The following DSCAML1 variants were observed in gnomAD, a reference collection of about 807,000 sequenced individuals.
DSCAML1 encodes the protein cell adhesion molecule DSCAML1.
In DSCAML1, 38 loss-of-function variants were observed where a neutral mutation model predicts 200.5. The observed-to-expected ratio is 0.19, with a 90% CI of 0.15 to 0.25. The LOEUF is 0.25. Ranked by LOEUF, DSCAML1 falls within the 10% of genes least tolerant of loss-of-function variation. DSCAML1 has a pLI of 1.00. For synonymous variants in DSCAML1, 1,215 were observed against 1,165.0 expected (o/e 1.04, Z -0.87); for missense variants, 2,223 against 2,858.8 (o/e 0.78, Z 5.07).
At chr11:117,515,192 T>G (rs1221665517) in intron 8 of DSCAML1, among the ~76,000 whole-genome samples, 3 of 152,092 alleles carry the variant, frequency 2.0e-5, no homozygotes, top group Non-Finnish European at 4.4e-5. Flanking sequence ...CCACTTATCC[T>G]CCCCAGGCCT....
Position 117,513,578 on chromosome 11 carries a change from T to C in DSCAML1, c.1783+2889A>G, listed in dbSNP as rs201999214. 1.4e-3 allele frequency among the ~76,000 whole-genome samples: 211 copies of C among 151,986 alleles called. 4 individuals are homozygous for C. Among genetic ancestry groups the C allele is most frequent in the East Asian group, 2.9e-3 (15 of 5,152 alleles). On this transcript the variant is annotated intron_variant, in intron 8 of 32. Transcript: ENST00000651296. ...CAATATGGTGAAATCCCATCTCTAC[T>C]AAAAATACAAAAATTAGCTGGGCGT... is the stretch of plus-strand genomic sequence containing the variant.
chr11:117,514,435 G>T (rs2049712579), intron 8 of DSCAML1, among the ~76,000 whole-genome samples: 1 of 151,802 alleles, frequency 6.6e-6, no homozygotes, highest in Admixed American at 6.6e-5. Flanking sequence ...AGAGCATGGA[G>T]CAAACGGTCC....
chr11:117,561,458 G>A (rs573543380), intron 3 of DSCAML1, among the ~76,000 whole-genome samples: 4 of 152,318 alleles, frequency 2.6e-5, no homozygotes, highest in African/African-American at 9.6e-5. Context: ...GCGGCTATGG[G>A]GATGAAATCT....
chr11:117,735,976 C>A (rs974637754), intron 3 of DSCAML1, among the ~76,000 whole-genome samples: 1 of 152,214 alleles, frequency 6.6e-6, no homozygotes, highest in African/African-American at 2.4e-5. Context: ...TTCTCAGAAC[C>A]CAACCCCTAT....
At chr11:117,441,797 C>T (rs1189726920) in intron 21 of DSCAML1, among the ~76,000 whole-genome samples, 1 of 152,026 alleles carries the variant, frequency 6.6e-6, no homozygotes, top group African/African-American at 2.4e-5. Flanking sequence ...CTGCTTGGAG[C>T]AGTGGGGGCA....
intron 3 of DSCAML1, among the ~76,000 whole-genome samples, chr11:117,639,336 C>G (rs1430890239): frequency 2.1e-5 from 1 of 48,572 alleles, no homozygotes. Context: ...GGATGGGAGG[C>G]TGGGTGGGTG....
chr11:117,615,576 C>G (rs1222057896), intron 3 of DSCAML1, among the ~76,000 whole-genome samples: 3 of 152,102 alleles, frequency 2.0e-5, no homozygotes, highest in African/African-American at 4.8e-5. Flanking sequence ...ACAGGCAGGT[C>G]TCTCACCCCC....
intron 3 of DSCAML1, among the ~76,000 whole-genome samples, chr11:117,568,668 A>G (rs1403610580): frequency 3.3e-5 from 5 of 152,306 alleles, no homozygotes; most frequent in East Asian, 3.9e-4. Flanking sequence ...TACAAGGGAC[A>G]TGAACGACCT....
chr11:117,447,214 G>A (rs1811102444), intron 20 of DSCAML1, among the ~76,000 whole-genome samples: 1 of 152,178 alleles, frequency 6.6e-6, no homozygotes, highest in South Asian at 2.1e-4. Flanking sequence ...CTTGAACCCG[G>A]GAGGTGGAGG....
intron 19 of DSCAML1, among the ~76,000 whole-genome samples, chr11:117,456,671 C>CTTTTTTTTTTTTTTTTTTTTTTTT (rs10661996): frequency 7.0e-6 from 1 of 142,138 alleles, no homozygotes. Context: ...GCAGTCATTT[C>CTTTTTTTTTTTTTTTTTTTTTTTT]TTTTTTTTTT....
chr11:117,701,731 C>A (rs1361296587), intron 3 of DSCAML1, among the ~76,000 whole-genome samples: 2 of 152,208 alleles, frequency 1.3e-5, no homozygotes, highest in African/African-American at 2.4e-5. Context: ...TCCTAGCCCA[C>A]TCCTTCTTGT....
intron 3 of DSCAML1, among the ~76,000 whole-genome samples, chr11:117,628,741 C>T (rs556952262): frequency 3.3e-4 from 50 of 152,278 alleles, no homozygotes; most frequent in South Asian, 6.2e-4. Context: ...GGAAGTTATA[C>T]GTGGACTTAT....
chr11:117,813,953 C>T (rs181469937), intron 1 of DSCAML1, among the ~76,000 whole-genome samples: 84 of 152,378 alleles, frequency 5.5e-4, no homozygotes, highest in Admixed American at 1.9e-3. Context: ...TGCACCTATA[C>T]GCCCAGATGG....
At chr11:117,777,676 C>T (rs1466903743) in intron 2 of DSCAML1, among the ~76,000 whole-genome samples, 3 of 152,186 alleles carry the variant, frequency 2.0e-5, no homozygotes, top group Non-Finnish European at 2.9e-5. Flanking sequence ...CTACAGCACC[C>T]CTCCCTGACC....
At chr11:117,594,698 C>T in intron 3 of DSCAML1, among the ~76,000 whole-genome samples, 1 of 152,020 alleles carries the variant, frequency 6.6e-6, no homozygotes, top group Admixed American at 6.5e-5. Context: ...CTCTCCGTGG[C>T]CAGGCTACTC....
chr11:117,776,270 C>G (rs1010190340), intron 3 of DSCAML1, among the ~76,000 whole-genome samples: 1 of 152,152 alleles, frequency 6.6e-6, no homozygotes, highest in Non-Finnish European at 1.5e-5. Flanking sequence ...AGCTAGAATT[C>G]CAATGGAGTC....
intron 3 of DSCAML1, among the ~76,000 whole-genome samples, chr11:117,770,735 G>A (rs1225669064): frequency 6.6e-6 from 1 of 152,136 alleles, no homozygotes; most frequent in East Asian, 1.9e-4. Flanking sequence ...ATAAAGTTTG[G>A]AGGGAGTTCA....
chr11:117,805,963 T>C (rs2055704469), intron 1 of DSCAML1, among the ~76,000 whole-genome samples: 1 of 152,238 alleles, frequency 6.6e-6, no homozygotes, highest in African/African-American at 2.4e-5. Flanking sequence ...CCAGGTCACA[T>C]GGCAGAGTCA....
chr11:117,732,938 C>A (rs2054250346), intron 3 of DSCAML1, among the ~76,000 whole-genome samples: 1 of 152,126 alleles, frequency 6.6e-6, no homozygotes, highest in Non-Finnish European at 1.5e-5. Context: ...ATGCACCCAG[C>A]ACTGCCCTAT....
Sources: allele counts gnomAD v4.1 joint callset (sites outside exome capture counted in the v4.1 genomes callset), GRCh38; gene constraint gnomAD v4.1.1; transcripts MANE v1.5; gene names NCBI Gene and HGNC (gene_info 2026-07-23, HGNC 2026-07-21).